The following MYRFL variants were observed in gnomAD, a reference collection of about 807,000 sequenced individuals.
MYRFL encodes the protein myelin regulatory factor like.
Under a neutral mutation model 109.4 loss-of-function variants are expected in MYRFL, and 88 were observed. That is an observed-to-expected ratio of 0.80 (90% CI 0.68 to 0.96). MYRFL has a LOEUF of 0.96. Among genes scored for constraint, MYRFL ranks in the 40% least tolerant of loss-of-function variants. The pLI, the probability that MYRFL is intolerant of heterozygous loss-of-function variation, is 0.00. For synonymous variants in MYRFL, 324 were observed against 320.9 expected (o/e 1.01, Z -0.10); for missense variants, 957 against 954.9 (o/e 1.00, Z -0.03).
At chr12:69,886,744 C>G in intron 5 of MYRFL, 76 bp from the exon 6 acceptor site, 2 of 1,498,988 alleles carry the variant, frequency 1.3e-6, no homozygotes, top group Non-Finnish European at 1.8e-6. Context: ...GCCCACTCAT[C>G]AGCTTCATGC....
At chr12:69,906,312 C>T (rs541791432) in intron 11 of MYRFL, among the ~76,000 whole-genome samples, 2 of 152,194 alleles carry the variant, frequency 1.3e-5, no homozygotes, top group South Asian at 4.2e-4. Flanking sequence ...AGGTCCTGGG[C>T]AGAGGAGCAG....
chr12:69,890,255 CT>C (rs937144143), intron 6 of MYRFL, among the ~76,000 whole-genome samples: 2 of 147,040 alleles, frequency 1.4e-5, no homozygotes, highest in South Asian at 2.1e-4. Context: ...AATTTTGAGA[CT>C]TTTTTTTCCT....
intron 1 of MYRFL, among the ~76,000 whole-genome samples, chr12:69,847,086 T>A (rs987975483): frequency 3.9e-5 from 6 of 152,238 alleles, no homozygotes; most frequent in Non-Finnish European, 8.8e-5. Flanking sequence ...TCATAACTAG[T>A]GGCAATCAGG....
intron 13 of MYRFL, among the ~76,000 whole-genome samples, chr12:69,911,255 T>G (rs1954559581): frequency 6.6e-6 from 1 of 152,168 alleles, no homozygotes; most frequent in Admixed American, 6.5e-5. Context: ...TGATAAATAC[T>G]GACAAAAAAG....
Position 69,897,193 on chromosome 12 carries a change from C to A in MYRFL, c.1129C>A (p.Gln377Lys). The A allele has an allele frequency of 6.5e-7, 1 of 1,535,816 alleles. No homozygotes were observed. The highest frequency in any genetic ancestry group is 8.7e-7 in the Non-Finnish European group (1 of 1,146,680). ...MLVVGLYAAN[Q>K]DQFYLLSAHI... The stretch of plus-strand genomic sequence containing the variant: ...GGTGGTTGGACTGTATGCTGCTAAC[C>A]AAGACCAGTTCTATCTGTTGTCTGC... Residue 377 changes from glutamine (Q) to lysine (K), a missense_variant, in exon 10 of 25, where the codon CAA becomes AAA. Physicochemically the swap from Gln to Lys is moderately conservative, Grantham distance 53. Transcript: ENST00000552032.
chr12:69,882,637 G>A lies in MYRFL; in HGVS notation c.556+2345G>A, dbSNP rs1886198430. On this transcript the variant is annotated intron_variant, in intron 5 of 24. Transcript: ENST00000552032. ...CCTCATTTATAGGGCTGAAAATGTAGAATTACTGGGTTGGCGTGGGCAAAT... is the reference window on the plus strand; with the variant it reads ...CCTCATTTATAGGGCTGAAAATGTAAAATTACTGGGTTGGCGTGGGCAAAT... Among the ~76,000 whole-genome samples, 3 of 152,154 alleles carry A rather than the reference G, an allele frequency of 2.0e-5. No individual in the cohort carries two copies. The South Asian group carries it at 6.2e-4, about 32-fold the overall frequency.
At chr12:69,867,444 G>A (rs1885078534) in intron 2 of MYRFL, among the ~76,000 whole-genome samples, 1 of 152,182 alleles carries the variant, frequency 6.6e-6, no homozygotes, top group East Asian at 1.9e-4. Context: ...CTTAGTAGGG[G>A]TAGATAAAAT....
At chr12:69,951,423 C>CTTT (rs11310328) in intron 19 of MYRFL, among the ~76,000 whole-genome samples, 24 of 89,200 alleles carry the variant, frequency 2.7e-4, no homozygotes, top group East Asian at 1.6e-3. Flanking sequence ...TCCTAACCTG[C>CTTT]TTTTTTTTTT....
chr12:69,864,669 A>AC (rs1491462819), intron 2 of MYRFL, among the ~76,000 whole-genome samples: 39 of 3,662 alleles, frequency 0.011, 1 homozygote, highest in East Asian at 0.019. Flanking sequence ...ACACACACAC[A>AC]AACACACACA....
chr12:69,856,217 T>A (rs1426597245), intron 2 of MYRFL, among the ~76,000 whole-genome samples: 1 of 152,222 alleles, frequency 6.6e-6, no homozygotes, highest in Non-Finnish European at 1.5e-5. Context: ...TCATTTAGCA[T>A]AATGTCTTTG....
chr12:69,886,683 C>A, intron 5 of MYRFL, 137 bp from the exon 6 acceptor site: 1 of 1,055,936 alleles, frequency 9.5e-7, no homozygotes, highest in Non-Finnish European at 1.3e-6. Context: ...CAGCAACACA[C>A]CTCCTACCCC....
intron 13 of MYRFL, among the ~76,000 whole-genome samples, chr12:69,912,713 C>G (rs571771589): frequency 6.6e-6 from 1 of 152,072 alleles, no homozygotes; most frequent in Non-Finnish European, 1.5e-5. Flanking sequence ...TTGATGAACT[C>G]TTGGGTTGCT....
At chr12:69,935,564 TC>T (rs1325529186) in intron 16 of MYRFL, among the ~76,000 whole-genome samples, 1 of 152,222 alleles carries the variant, frequency 6.6e-6, no homozygotes, top group Non-Finnish European at 1.5e-5. Context: ...ACAAATACTT[TC>T]TTGCAGTTCT....
At chr12:69,950,244 A>G (rs1360008465) in intron 19 of MYRFL, among the ~76,000 whole-genome samples, 2 of 152,060 alleles carry the variant, frequency 1.3e-5, no homozygotes, top group Non-Finnish European at 2.9e-5. Flanking sequence ...CACTCTCTCC[A>G]CTGCCCTTGG....
At chr12:69,859,995 T>C (rs574535227) in intron 2 of MYRFL, among the ~76,000 whole-genome samples, 1 of 152,280 alleles carries the variant, frequency 6.6e-6, no homozygotes, top group East Asian at 1.9e-4. Context: ...ACTTGTTACA[T>C]AGATAAACGT....
chr12:69,894,170 G>A (rs1343760202), intron 8 of MYRFL, among the ~76,000 whole-genome samples: 1 of 151,390 alleles, frequency 6.6e-6, no homozygotes, highest in Non-Finnish European at 1.5e-5. Flanking sequence ...CTAATTTTTT[G>A]TATCTTTAGT....
At position 69,879,023 on chromosome 12, in the gene MYRFL, T is replaced by A. The variant is rs1209564462; in HGVS notation, c.138-5T>A. On this transcript the variant is annotated splice_region_variant and splice_polypyrimidine_tract_variant and intron_variant, in intron 2 of 24. Transcript: ENST00000552032. ...AAAAACGCAATGTATGTCTCTAATC[T>A]TCAGGCAACGCCAGCTCCCAGACAC... 2 of 702,924 alleles carry A rather than the reference T, an allele frequency of 2.8e-6. No homozygotes were observed. Among genetic ancestry groups the A allele is most frequent in the Admixed American group, 4.0e-5 (2 of 50,010 alleles). 43.5% of individuals were successfully genotyped at this position (702,924 alleles called of 1,614,324 possible).
intron 2 of MYRFL, among the ~76,000 whole-genome samples, chr12:69,867,138 T>C (rs1233610964): frequency 1.3e-5 from 2 of 152,324 alleles, no homozygotes; most frequent in East Asian, 3.9e-4. Context: ...AGTTGTCTGC[T>C]TAGGAGGAGC....
chr12:69,901,094 G>A (rs1184224547), intron 10 of MYRFL, among the ~76,000 whole-genome samples: 2 of 152,288 alleles, frequency 1.3e-5, no homozygotes, highest in Admixed American at 6.5e-5. Context: ...AGATTAAGTG[G>A]CTGCCCCAAG....
Sources: allele counts gnomAD v4.1 joint callset (sites outside exome capture counted in the v4.1 genomes callset), GRCh38; gene constraint gnomAD v4.1.1; transcripts MANE v1.5; gene names NCBI Gene and HGNC (gene_info 2026-07-23, HGNC 2026-07-21).